MAN1A1: variants seen among roughly 807,000 people sequenced by gnomAD.
MAN1A1 encodes the protein mannosidase alpha class 1A member 1.
MAN1A1 carries 29 observed loss-of-function variants against 70.8 expected under a neutral mutation model. That is an observed-to-expected ratio of 0.41 (90% CI 0.31 to 0.56). The LOEUF is 0.56. Ranked by LOEUF, MAN1A1 falls within the 20% of genes least tolerant of loss-of-function variation. MAN1A1 has a pLI of 0.29. For missense variants in MAN1A1, 747 were observed against 841.3 expected (o/e 0.89, Z 1.39); for synonymous variants, 349 against 330.1 (o/e 1.06, Z -0.62).
At chr6:119,333,350 G>A (rs1773371182) in intron 2 of MAN1A1, among the ~76,000 whole-genome samples, 1 of 152,140 alleles carries the variant, frequency 6.6e-6, no homozygotes, top group South Asian at 2.1e-4. Flanking sequence ...CACCTCTCAA[G>A]GTTCCAGGAA....
rs757936481 is a variant in MAN1A1 at position 119,348,503 on chromosome 6, G to A, written c.563C>T (p.Ala188Val). The A allele has an allele frequency of 6.2e-7, 1 of 1,609,898 alleles. No homozygotes were observed. The highest frequency in any genetic ancestry group is 8.5e-7 in the Non-Finnish European group (1 of 1,177,918). ...PPIGVESREPADAAIREKRAK... is the reference protein window; with the variant it reads ...PPIGVESREPVDAAIREKRAK... ...CCTTTTCTCGCGGATGGCGGCGTCG[G>A]CGGGCTCCCGGCTCTCCACCCCGAT... Residue 188 changes from alanine (A) to valine (V), a missense_variant, in exon 2 of 13, where the codon GCC becomes GTC. Ala to Val is a moderately conservative substitution (Grantham distance 64). Transcript: ENST00000368468.
intron 2 of MAN1A1, among the ~76,000 whole-genome samples, chr6:119,332,788 GA>G (rs56829189): frequency 2.1e-5 from 3 of 145,608 alleles, no homozygotes; most frequent in African/African-American, 2.5e-5. Context: ...TCCATCTCAA[GA>G]AAAAAAAAAA....
intron 4 of MAN1A1, among the ~76,000 whole-genome samples, chr6:119,297,776 G>T (rs1164920509): frequency 3.8e-5 from 3 of 78,978 alleles, no homozygotes; most frequent in East Asian, 3.3e-4. Context: ...GTCTCGCTCT[G>T]TCGCCCAGGC....
chr6:119,326,398 T>C (rs1189366451), intron 2 of MAN1A1, among the ~76,000 whole-genome samples: 3 of 152,168 alleles, frequency 2.0e-5, no homozygotes, highest in African/African-American at 4.8e-5. Context: ...TTACAGACAA[T>C]AGTGGTCCAG....
chr6:119,290,433 TACATA>T (rs532588285), intron 5 of MAN1A1, among the ~76,000 whole-genome samples: 275 of 152,108 alleles, frequency 1.8e-3, no homozygotes, highest in African/African-American at 4.6e-3. Flanking sequence ...AATCACACCA[TACATA>T]ACATAATAGA....
chr6:119,349,939 C>T (rs1474240839), upstream of MAN1A1, among the ~76,000 whole-genome samples: 1 of 151,908 alleles, frequency 6.6e-6, no homozygotes, highest in East Asian at 1.9e-4. Flanking sequence ...GGGGCCCGGC[C>T]GGCGGCGGGG....
At chr6:119,296,580 T>G (rs780829928) in intron 4 of MAN1A1, among the ~76,000 whole-genome samples, 3 of 152,082 alleles carry the variant, frequency 2.0e-5, no homozygotes, top group Non-Finnish European at 4.4e-5. Flanking sequence ...TACTCAGTCA[T>G]GCATTTGAGA....
chr6:119,321,350 C>T (rs538932237), intron 2 of MAN1A1, among the ~76,000 whole-genome samples: 1 of 152,272 alleles, frequency 6.6e-6, no homozygotes, highest in South Asian at 2.1e-4. Flanking sequence ...AATACCTTCC[C>T]AGTACTGAAT....
At chr6:119,291,872 G>A (rs555717058) in intron 4 of MAN1A1, among the ~76,000 whole-genome samples, 1 of 152,096 alleles carries the variant, frequency 6.6e-6, no homozygotes, top group Admixed American at 6.6e-5. Context: ...CAACGTGCCA[G>A]GTCCTGTGCT....
intron 6 of MAN1A1, among the ~76,000 whole-genome samples, chr6:119,218,761 C>T (rs180974643): frequency 9.1e-4 from 138 of 152,256 alleles, no homozygotes; most frequent in African/African-American, 3.2e-3. Flanking sequence ...ATGCACCCCG[C>T]GCTGGGATGG....
chr6:119,242,863 T>G (rs1322626357), intron 6 of MAN1A1, among the ~76,000 whole-genome samples: 3 of 152,110 alleles, frequency 2.0e-5, no homozygotes, highest in Non-Finnish European at 4.4e-5. Context: ...TACATACCAC[T>G]ATTAAAATCT....
intron 5 of MAN1A1, among the ~76,000 whole-genome samples, chr6:119,289,065 TTATA>T (rs61562893): frequency 0.38 from 57,107 of 150,596 alleles, 11,289 homozygotes; most frequent in Non-Finnish European, 0.41. Context: ...GGTATTATAA[TTATA>T]TATATATATA....
chr6:119,258,814 A>C (rs188585325), intron 5 of MAN1A1, among the ~76,000 whole-genome samples: 36 of 152,218 alleles, frequency 2.4e-4, no homozygotes, highest in Middle Eastern at 6.8e-3. Context: ...GCCTTTACTC[A>C]GCATCACCAT....
At chr6:119,205,750 T>C (rs191405370) in intron 6 of MAN1A1, among the ~76,000 whole-genome samples, 312 of 152,374 alleles carry the variant, frequency 2.0e-3, no homozygotes, top group African/African-American at 6.9e-3. Flanking sequence ...AAGTTCGTTA[T>C]TCTCCTAATA....
intron 3 of MAN1A1, among the ~76,000 whole-genome samples, chr6:119,303,339 G>A (rs1405154808): frequency 6.6e-6 from 1 of 152,116 alleles, no homozygotes; most frequent in African/African-American, 2.4e-5. Flanking sequence ...GAACAAACAA[G>A]TCATGTCTTA....
At chr6:119,232,314 A>G (rs1306544434) in intron 6 of MAN1A1, among the ~76,000 whole-genome samples, 6 of 146,668 alleles carry the variant, frequency 4.1e-5, no homozygotes, top group African/African-American at 1.5e-4. Flanking sequence ...TGTAGCTTGC[A>G]GTGAGCCAAG....
At chr6:119,228,097 TA>T (rs1774570668) in intron 6 of MAN1A1, among the ~76,000 whole-genome samples, 1 of 152,188 alleles carries the variant, frequency 6.6e-6, no homozygotes. Flanking sequence ...CATATTCAAC[TA>T]AAAGTTAAAC....
intron 5 of MAN1A1, among the ~76,000 whole-genome samples, chr6:119,283,771 A>G (rs1384240937): frequency 6.6e-6 from 1 of 152,128 alleles, no homozygotes; most frequent in African/African-American, 2.4e-5. Flanking sequence ...GAAACCAGAA[A>G]AGGTAGGCTG....
chr6:119,232,841 C>T, intron 6 of MAN1A1, among the ~76,000 whole-genome samples: 1 of 152,006 alleles, frequency 6.6e-6, no homozygotes, highest in East Asian at 1.9e-4. Context: ...TTCTCTTTTA[C>T]TCTGTTTTCC....
Sources: allele counts gnomAD v4.1 joint callset (sites outside exome capture counted in the v4.1 genomes callset), GRCh38; gene constraint gnomAD v4.1.1; transcripts MANE v1.5; gene names NCBI Gene and HGNC (gene_info 2026-07-23, HGNC 2026-07-21).